The following MYO1E variants were observed in gnomAD, a reference collection of about 807,000 sequenced individuals.
MYO1E encodes myosin IE.
A neutral mutation model predicts 151.1 loss-of-function variants in MYO1E; 68 were observed. That is an observed-to-expected ratio of 0.45 (90% CI 0.37 to 0.55). The LOEUF is 0.55. Ranked by LOEUF, MYO1E falls within the 20% of genes least tolerant of loss-of-function variation. MYO1E has a pLI of 0.00. For missense variants in MYO1E, 1,363 were observed against 1,389.3 expected (o/e 0.98, Z 0.30); for synonymous variants, 601 against 501.7 (o/e 1.20, Z -2.64).
At chr15:59,247,531 G>C (rs2080137552) in intron 4 of MYO1E, among the ~76,000 whole-genome samples, 1 of 152,162 alleles carries the variant, frequency 6.6e-6, no homozygotes, top group South Asian at 2.1e-4. Flanking sequence ...GAGTGGTAAG[G>C]ATTAAGAGAC....
At chr15:59,198,496 T>A (rs1188145757) in intron 16 of MYO1E, among the ~76,000 whole-genome samples, 1 of 152,058 alleles carries the variant, frequency 6.6e-6, no homozygotes, top group Non-Finnish European at 1.5e-5. Flanking sequence ...TCTAATTTAA[T>A]CTAGAGATTG....
intron 1 of MYO1E, among the ~76,000 whole-genome samples, chr15:59,275,271 C>T (rs569521344): frequency 6.6e-6 from 1 of 152,168 alleles, no homozygotes; most frequent in Non-Finnish European, 1.5e-5. Context: ...AAAAGACATA[C>T]AATTTTTATT....
chr15:59,255,659 G>C (rs1440993608), intron 4 of MYO1E, among the ~76,000 whole-genome samples: 13 of 152,064 alleles, frequency 8.5e-5, no homozygotes, highest in Non-Finnish European at 1.8e-4. Flanking sequence ...ATTGTCTTGG[G>C]CCACACATAA....
intron 1 of MYO1E, among the ~76,000 whole-genome samples, chr15:59,342,781 T>C (rs1027872437): frequency 1.3e-5 from 2 of 152,184 alleles, no homozygotes; most frequent in African/African-American, 2.4e-5. Flanking sequence ...GTACCTGTTG[T>C]ATGTTTTTTA....
At chr15:59,139,075 T>C (rs888107335) in intron 26 of MYO1E, among the ~76,000 whole-genome samples, 1 of 152,062 alleles carries the variant, frequency 6.6e-6, no homozygotes, top group Non-Finnish European at 1.5e-5. Flanking sequence ...GTTTTCACTA[T>C]TATAAAAAAT....
chr15:59,280,649 T>C (rs181486548), intron 1 of MYO1E, among the ~76,000 whole-genome samples: 4 of 151,850 alleles, frequency 2.6e-5, no homozygotes, highest in East Asian at 1.9e-4. Context: ...GGATGTCTTA[T>C]AATCAATGAT....
intron 1 of MYO1E, among the ~76,000 whole-genome samples, chr15:59,356,494 C>T (rs540704512): frequency 3.3e-5 from 5 of 152,192 alleles, no homozygotes; most frequent in Non-Finnish European, 7.3e-5. Flanking sequence ...AGTTCTGCAT[C>T]CTACTTTTGT....
intron 23 of MYO1E, among the ~76,000 whole-genome samples, chr15:59,162,196 C>G (rs1051102117): frequency 6.6e-6 from 1 of 152,074 alleles, no homozygotes; most frequent in African/African-American, 2.4e-5. Flanking sequence ...CCACCATACT[C>G]GGCTAATTTT....
chr15:59,203,435 A>G (rs1387498439), intron 15 of MYO1E, among the ~76,000 whole-genome samples: 1 of 149,262 alleles, frequency 6.7e-6, no homozygotes, highest in African/African-American at 2.5e-5. Context: ...GCTGGAGTGC[A>G]GTGGCGCGAT....
At chr15:59,151,010 GACACACACACACACAC>G (rs60541381) in intron 26 of MYO1E, among the ~76,000 whole-genome samples, 2,679 of 141,170 alleles carry the variant, frequency 0.019, 92 homozygotes, top group African/African-American at 0.068. Flanking sequence ...AGAGGAGAGG[GACACACACACACACAC>G]ACACACACAC....
chr15:59,332,598 T>A (rs1173795768), intron 1 of MYO1E, among the ~76,000 whole-genome samples: 1 of 152,222 alleles, frequency 6.6e-6, no homozygotes. Flanking sequence ...AGCAGGATTG[T>A]CAGTGATGTG....
intron 4 of MYO1E, among the ~76,000 whole-genome samples, chr15:59,240,627 T>C (rs941723316): frequency 2.0e-5 from 3 of 152,202 alleles, no homozygotes; most frequent in African/African-American, 7.2e-5. Flanking sequence ...AGATATTCCC[T>C]AAAATAAGTA....
rs2079826039 is a variant in MYO1E, at chr15:59,205,273, C to T, written c.1616+127G>A. 2.0e-4 allele frequency: 189 copies of T among 942,718 alleles called. 3 individuals are homozygous for T. In the South Asian group the frequency reaches 2.4e-3, roughly 12 times the overall value. The allele number at this position is 942,718 out of a possible 1,614,324, so 58.4% of individuals were successfully genotyped here. On this transcript the variant is annotated intron_variant, in intron 15 of 27. Coordinates refer to ENST00000288235, the MANE Select transcript of MYO1E (RefSeq NM_004998.4). ...AAACTCCTAGGATCAAGTGATCCTC[C>T]TGCCTTAGCCTCCTGAGTAGCTGGG...
At chr15:59,320,981 T>G (rs540195203) in intron 1 of MYO1E, among the ~76,000 whole-genome samples, 1 of 152,034 alleles carries the variant, frequency 6.6e-6, no homozygotes, top group South Asian at 2.1e-4. Context: ...CTTTTAACAA[T>G]TGAACAAGCA....
At chr15:59,209,892 T>TG (rs1394152430) in intron 13 of MYO1E, among the ~76,000 whole-genome samples, 1 of 126,188 alleles carries the variant, frequency 7.9e-6, no homozygotes, top group Non-Finnish European at 1.6e-5. Flanking sequence ...TAGAGTGCAG[T>TG]GGCACAATCT....
chr15:59,203,998 C>G (rs1204267554), intron 15 of MYO1E, among the ~76,000 whole-genome samples: 4 of 152,128 alleles, frequency 2.6e-5, no homozygotes, highest in African/African-American at 9.7e-5. Flanking sequence ...AGTGTGTTTA[C>G]AAAATAATAG....
At chr15:59,371,426 T>C (rs1396991397) in intron 1 of MYO1E, among the ~76,000 whole-genome samples, 1 of 98,764 alleles carries the variant, frequency 1.0e-5, no homozygotes, top group Non-Finnish European at 2.3e-5. Flanking sequence ...CTATGAAGCC[T>C]TGTAATAGAT....
intron 26 of MYO1E, among the ~76,000 whole-genome samples, chr15:59,153,096 C>A (rs560350686): frequency 6.6e-6 from 1 of 152,294 alleles, no homozygotes; most frequent in South Asian, 2.1e-4. Flanking sequence ...GTTCTCTTCA[C>A]CACTCTTTAT....
chr15:59,259,797 C>T (rs938964153), intron 3 of MYO1E, among the ~76,000 whole-genome samples: 1 of 152,206 alleles, frequency 6.6e-6, no homozygotes, highest in Non-Finnish European at 1.5e-5. Flanking sequence ...TGTGACAAAA[C>T]TATAGAGTGG....
Sources: allele counts gnomAD v4.1 joint callset (sites outside exome capture counted in the v4.1 genomes callset), GRCh38; gene constraint gnomAD v4.1.1; transcripts MANE v1.5; gene names NCBI Gene and HGNC (gene_info 2026-07-23, HGNC 2026-07-21).